SLC24A3: variants seen among roughly 807,000 people sequenced by gnomAD.
SLC24A3 encodes sodium/potassium/calcium exchanger 3.
A neutral mutation model predicts 75.8 loss-of-function variants in SLC24A3; 28 were observed. The observed-to-expected ratio is 0.37, with a 90% CI of 0.27 to 0.51. The LOEUF (loss-of-function observed/expected upper bound fraction) is 0.51, where lower values mean the gene tolerates loss of function less well. Among genes scored for constraint, SLC24A3 ranks in the 20% least tolerant of loss-of-function variants. The probability of loss-of-function intolerance (pLI) is 0.94; values close to 1 mark genes in which losing one functional copy is unlikely to be tolerated. For synonymous variants in SLC24A3, 372 were observed against 334.1 expected, an observed-to-expected ratio of 1.11 and a Z score of -1.24; for missense variants, 663 against 847.8, an observed-to-expected ratio of 0.78 and a Z score of 2.71.
intron 12 of SLC24A3, among the ~76,000 whole-genome samples, chr20:19,687,913 T>C (rs2032696822): frequency 6.6e-6 from 1 of 152,140 alleles, no homozygotes; most frequent in African/African-American, 2.4e-5. Flanking sequence ...CTCCTGTGTA[T>C]GAGGAGACAT....
chr20:19,568,283 G>C (rs564582872), intron 3 of SLC24A3, among the ~76,000 whole-genome samples: 3 of 152,054 alleles, frequency 2.0e-5, no homozygotes, highest in African/African-American at 7.2e-5. Context: ...TCCACTTCTG[G>C]GTTTATACCC....
rs1417898290 is a variant in SLC24A3 at position 19,313,966 on chromosome 20, A to T, written c.271+32879A>T. Among the ~76,000 whole-genome samples, 3 of 152,212 alleles carry T rather than the reference A, an allele frequency of 2.0e-5. No homozygotes were observed. The East Asian group carries it at 5.8e-4, about 29-fold the overall frequency. On this transcript the variant is annotated intron_variant, in intron 2 of 16. Coordinates refer to ENST00000328041, the MANE Select transcript of SLC24A3 (RefSeq NM_020689.4). Reference sequence around the variant, plus strand: ...AGGGCGATGCCAGATACATGAGTTGAACTATAGAACTTCAGGTCTTGAGGT... The same window carrying T: ...AGGGCGATGCCAGATACATGAGTTGTACTATAGAACTTCAGGTCTTGAGGT...
chr20:19,319,306 G>A (rs994770311), intron 2 of SLC24A3, among the ~76,000 whole-genome samples: 1 of 152,202 alleles, frequency 6.6e-6, no homozygotes, highest in African/African-American at 2.4e-5. Context: ...TCTCAAGTAA[G>A]CATTTTCCAG....
Position 19,692,693 on chromosome 20 carries a change from A to G in SLC24A3, c.1325-566A>G, listed in dbSNP as rs150236833. 7.2e-5 allele frequency among the ~76,000 whole-genome samples: 11 copies of G among 152,290 alleles called. No homozygotes were observed. The East Asian group carries it at 1.9e-3, about 27-fold the overall frequency. ...AATATGTATGCATATTTATTTCTAGAGGTGAATTAGCAGTTAATCAGGTTA... is the reference window on the plus strand; with the variant it reads ...AATATGTATGCATATTTATTTCTAGGGGTGAATTAGCAGTTAATCAGGTTA... On this transcript the variant is annotated intron_variant, in intron 12 of 16. Transcript: ENST00000328041.
At chr20:19,494,947 G>A (rs1988261542) in intron 2 of SLC24A3, among the ~76,000 whole-genome samples, 1 of 152,224 alleles carries the variant, frequency 6.6e-6, no homozygotes, top group Non-Finnish European at 1.5e-5. Context: ...GAGAAAAGGA[G>A]TGAGAGAAAC....
intron 2 of SLC24A3, among the ~76,000 whole-genome samples, chr20:19,462,626 C>T (rs1021556920): frequency 2.0e-5 from 3 of 152,180 alleles, no homozygotes; most frequent in African/African-American, 4.8e-5. Flanking sequence ...CGTGCTTGTG[C>T]GCTCCTGGCT....
At chr20:19,610,088 C>G (rs1400719509) in intron 6 of SLC24A3, among the ~76,000 whole-genome samples, 1 of 152,202 alleles carries the variant, frequency 6.6e-6, no homozygotes, top group African/African-American at 2.4e-5. Flanking sequence ...TGAAATAAAG[C>G]TTTTTGTGAC....
intron 15 of SLC24A3, among the ~76,000 whole-genome samples, chr20:19,717,137 C>T (rs1309204767): frequency 2.0e-5 from 3 of 152,146 alleles, no homozygotes; most frequent in Non-Finnish European, 2.9e-5. Context: ...GAAATTCATC[C>T]TAAAAGCAGT....
chr20:19,306,837 A>G (rs1283037128), intron 2 of SLC24A3, among the ~76,000 whole-genome samples: 1 of 152,088 alleles, frequency 6.6e-6, no homozygotes, highest in Admixed American at 6.5e-5. Context: ...CTGCACATGT[A>G]CCCGCAGAGT....
intron 6 of SLC24A3, among the ~76,000 whole-genome samples, chr20:19,631,015 T>A (rs577123911): frequency 6.6e-6 from 1 of 152,302 alleles, no homozygotes; most frequent in South Asian, 2.1e-4. Context: ...CATGTCAATA[T>A]GTGTGTGGAA....
At chr20:19,397,467 T>C (rs1986474149) in intron 2 of SLC24A3, among the ~76,000 whole-genome samples, 1 of 152,308 alleles carries the variant, frequency 6.6e-6, no homozygotes, top group South Asian at 2.1e-4. Context: ...AGTTGAGCAG[T>C]GTTTTCAAAC....
At chr20:19,300,085 G>T (rs1984160214) in intron 2 of SLC24A3, among the ~76,000 whole-genome samples, 1 of 152,182 alleles carries the variant, frequency 6.6e-6, no homozygotes, top group South Asian at 2.1e-4. Flanking sequence ...CAAAGGCGAT[G>T]GAGTACAGTT....
chr20:19,455,558 T>C (rs939627142), intron 2 of SLC24A3, among the ~76,000 whole-genome samples: 1 of 152,180 alleles, frequency 6.6e-6, no homozygotes, highest in African/African-American at 2.4e-5. Flanking sequence ...TGGAAACCAA[T>C]ACACCAGGAG....
At chr20:19,217,864 C>T (rs1374808073) in intron 1 of SLC24A3, among the ~76,000 whole-genome samples, 1 of 152,192 alleles carries the variant, frequency 6.6e-6, no homozygotes. Flanking sequence ...CTACCTGGCT[C>T]GAGATCTTCC....
intron 2 of SLC24A3, among the ~76,000 whole-genome samples, chr20:19,284,784 C>G (rs2122228444): frequency 6.6e-6 from 1 of 152,324 alleles, no homozygotes; most frequent in South Asian, 2.1e-4. Flanking sequence ...TACCTCTATT[C>G]TGGTTATATT....
chr20:19,583,748 C>T (rs908124894), intron 4 of SLC24A3, among the ~76,000 whole-genome samples: 2 of 152,238 alleles, frequency 1.3e-5, no homozygotes, highest in Non-Finnish European at 2.9e-5. Context: ...CTACCTCACT[C>T]ACAGACTCTT....
intron 8 of SLC24A3, among the ~76,000 whole-genome samples, chr20:19,672,071 A>C (rs2032475183): frequency 6.6e-6 from 1 of 152,132 alleles, no homozygotes; most frequent in African/African-American, 2.4e-5. Flanking sequence ...CCACCCACTC[A>C]TGCTTGGACT....
chr20:19,466,637 A>G (rs1293576442), intron 2 of SLC24A3, among the ~76,000 whole-genome samples: 1 of 151,984 alleles, frequency 6.6e-6, no homozygotes, highest in Non-Finnish European at 1.5e-5. Context: ...AAGTCGCCAC[A>G]GGATCTCATG....
At chr20:19,527,495 AGAT>A (rs1221231882) in intron 3 of SLC24A3, among the ~76,000 whole-genome samples, 3 of 152,206 alleles carry the variant, frequency 2.0e-5, no homozygotes, top group Admixed American at 2.0e-4. Context: ...AAGCATAACA[AGAT>A]GAACTTTGGG....
Sources: allele counts gnomAD v4.1 joint callset (sites outside exome capture counted in the v4.1 genomes callset), GRCh38; gene constraint gnomAD v4.1.1; transcripts MANE v1.5; gene names NCBI Gene and HGNC (gene_info 2026-07-23, HGNC 2026-07-21).